Variants in MAST4 observed in about 807,000 individuals in gnomAD.
MAST4 encodes microtubule-associated serine/threonine-protein kinase 4.
A neutral mutation model predicts 162.7 loss-of-function variants in MAST4; 89 were observed. That is an observed-to-expected ratio of 0.55 (90% CI 0.46 to 0.65). MAST4 has a LOEUF of 0.65. MAST4 is among the 30% of genes least tolerant of loss of function. MAST4 has a pLI of 0.00. For missense variants in MAST4, 3,153 were observed against 3,374.0 expected, an observed-to-expected ratio of 0.93 and a Z score of 1.62; for synonymous variants, 1,479 against 1,361.1, an observed-to-expected ratio of 1.09 and a Z score of -1.91.
intron 3 of MAST4, among the ~76,000 whole-genome samples, chr5:66,876,337 G>A (rs1359377401): frequency 6.6e-6 from 1 of 152,090 alleles, no homozygotes; most frequent in Non-Finnish European, 1.5e-5. Context: ...GGTGAGGTGG[G>A]ACTTTTTAAA....
intron 4 of MAST4, among the ~76,000 whole-genome samples, chr5:66,971,323 G>A (rs1206102931): frequency 6.6e-6 from 1 of 152,154 alleles, no homozygotes; most frequent in Non-Finnish European, 1.5e-5. Context: ...TTGGAAATCA[G>A]GCCGTGGGCC....
chr5:67,047,398 ACT>A, intron 4 of MAST4, among the ~76,000 whole-genome samples: 1 of 151,634 alleles, frequency 6.6e-6, no homozygotes, highest in Middle Eastern at 3.4e-3. Flanking sequence ...CTCCTAGAAC[ACT>A]CTGGCCTCAG....
At chr5:66,609,472 C>T (rs113332195) in intron 1 of MAST4, among the ~76,000 whole-genome samples, 7,455 of 150,436 alleles carry the variant, frequency 0.05, 620 homozygotes, top group African/African-American at 0.17. Flanking sequence ...TCACTGCAGC[C>T]TCTGCCTCCC....
At chr5:66,986,681 C>T (rs1461402198) in intron 4 of MAST4, among the ~76,000 whole-genome samples, 2 of 150,984 alleles carry the variant, frequency 1.3e-5, no homozygotes, top group Admixed American at 6.6e-5. Flanking sequence ...AGGGCAGTAA[C>T]ACGATCATAG....
chr5:67,103,815 G>A (rs930628199), intron 9 of MAST4, among the ~76,000 whole-genome samples: 4 of 152,184 alleles, frequency 2.6e-5, no homozygotes, highest in Non-Finnish European at 5.9e-5. Context: ...ATAAAGAAAT[G>A]TTTGATATTT....
At chr5:67,124,804 A>T (rs557181097) in intron 14 of MAST4, among the ~76,000 whole-genome samples, 12 of 152,338 alleles carry the variant, frequency 7.9e-5, no homozygotes, top group Admixed American at 2.6e-4. Flanking sequence ...TATGAACTGA[A>T]AATCTGAGAA....
chr5:67,090,868 G>A (rs1457309201), intron 6 of MAST4, among the ~76,000 whole-genome samples: 1 of 152,020 alleles, frequency 6.6e-6, no homozygotes, highest in East Asian at 1.9e-4. Flanking sequence ...TGTTCTGCAT[G>A]TGAAATTTGT....
chr5:66,608,938 T>C (rs923870262), intron 1 of MAST4, among the ~76,000 whole-genome samples: 1 of 152,156 alleles, frequency 6.6e-6, no homozygotes, highest in Non-Finnish European at 1.5e-5. Context: ...TCTGTTGAGT[T>C]GTTTTTGAAG....
At chr5:67,145,079 C>A in intron 22 of MAST4, 65 bp from the exon 23 acceptor site, 1 of 1,387,550 alleles carries the variant, frequency 7.2e-7, no homozygotes, top group Non-Finnish European at 1.0e-6. Context: ...TGGTTTCTTC[C>A]AAAATTCACC....
At chr5:66,990,824 A>G (rs1418988805) in intron 4 of MAST4, among the ~76,000 whole-genome samples, 4 of 152,176 alleles carry the variant, frequency 2.6e-5, no homozygotes, top group African/African-American at 9.7e-5. Context: ...CTGGAATCTG[A>G]CAGATAGAGT....
In MAST4 at chr5:66,848,916, CAT is replaced by C. The variant is rs149287752; in HGVS notation, c.643-51034_643-51033del. On this transcript the variant is annotated intron_variant, in intron 3 of 28. Transcript: ENST00000403625. ...GCTCATATCAGAAAACTCTGTCAAA[CAT>C]GTGGAGAGGATTGCCTTTTATGCTG... Among the ~76,000 whole-genome samples the C allele has an allele frequency of 8.1e-4, 124 of 152,286 alleles. 1 individual carries two copies. The highest frequency in any genetic ancestry group is 2.8e-3 in the African/African-American group (116 of 41,556).
chr5:66,956,187 G>A (rs1020774861), intron 4 of MAST4, among the ~76,000 whole-genome samples: 1 of 151,934 alleles, frequency 6.6e-6, no homozygotes, highest in Non-Finnish European at 1.5e-5. Context: ...AAGAAACCAG[G>A]TCATTTGTTC....
At chr5:67,051,102 A>G (rs468938) in intron 4 of MAST4, among the ~76,000 whole-genome samples, 22,490 of 152,102 alleles carry the variant, frequency 0.15, 1,729 homozygotes, top group Middle Eastern at 0.22. Context: ...AGTTATAAAA[A>G]AGATATTTCT....
At chr5:66,879,752 A>C (rs951531532) in intron 3 of MAST4, among the ~76,000 whole-genome samples, 4 of 152,218 alleles carry the variant, frequency 2.6e-5, no homozygotes, top group African/African-American at 9.6e-5. Context: ...GGTTGAATCA[A>C]TTCACCAGCC....
intron 1 of MAST4, chr5:66,662,796 G>T (rs1172469926): frequency 1.3e-5 from 2 of 152,068 alleles, no homozygotes; most frequent in African/African-American, 4.8e-5. Flanking sequence ...GATATTTATT[G>T]ATAGTCCCTT....
At chr5:66,984,213 A>G (rs1749194490) in intron 4 of MAST4, among the ~76,000 whole-genome samples, 1 of 152,200 alleles carries the variant, frequency 6.6e-6, no homozygotes, top group South Asian at 2.1e-4. Context: ...TTCTTCCTGA[A>G]GGAGTGGCAT....
intron 4 of MAST4, among the ~76,000 whole-genome samples, chr5:67,024,255 G>C (rs1343290118): frequency 6.6e-6 from 1 of 150,390 alleles, no homozygotes; most frequent in Non-Finnish European, 1.5e-5. Flanking sequence ...GTTTCTGGCT[G>C]AACAGTATTC....
At chr5:66,947,353 T>C (rs988610209) in intron 4 of MAST4, among the ~76,000 whole-genome samples, 5 of 152,184 alleles carry the variant, frequency 3.3e-5, no homozygotes, top group African/African-American at 1.2e-4. Flanking sequence ...TTTCTTCCTG[T>C]GCCCTATCCA....
Position 67,131,458 on chromosome 5 carries a change from G to T in MAST4, c.1955-355G>T, listed in dbSNP as rs533068476. Among the ~76,000 whole-genome samples the T allele has an allele frequency of 4.1e-4, 62 of 152,226 alleles. No individual in the cohort carries two copies. The South Asian group carries it at 0.013, about 32-fold the overall frequency. ...CCTAGGATGTCTCAGCTGGTAAGAG[G>T]CAGAGCTAGGATTTGGACTCAGGTA... On this transcript the variant is annotated intron_variant, in intron 15 of 28. Coordinates refer to ENST00000403625, the MANE Select transcript of MAST4 (RefSeq NM_001164664.2).
Sources: allele counts gnomAD v4.1 joint callset (sites outside exome capture counted in the v4.1 genomes callset), GRCh38; gene constraint gnomAD v4.1.1; transcripts MANE v1.5; gene names NCBI Gene and HGNC (gene_info 2026-07-23, HGNC 2026-07-21).